Variants in MAP3K1 observed in about 807,000 individuals in gnomAD.
MAP3K1 encodes mitogen-activated protein kinase kinase kinase 1.
Under a neutral mutation model 144.2 loss-of-function variants are expected in MAP3K1, and 36 were observed. The ratio of observed to expected loss-of-function variants is 0.25; its 90% CI spans 0.19 to 0.33. MAP3K1 has a LOEUF of 0.33. MAP3K1 is among the 10% of genes least tolerant of loss of function. The pLI is 1.00. For synonymous variants in MAP3K1, 718 were observed against 688.7 expected, an observed-to-expected ratio of 1.04 and a Z score of -0.67; for missense variants, 1,650 against 1,881.9, an observed-to-expected ratio of 0.88 and a Z score of 2.28.
At chr5:56,874,951 T>A in intron 9 of MAP3K1, 81 bp from the exon 10 acceptor site, 1 of 1,431,262 alleles carries the variant, frequency 7.0e-7, no homozygotes, top group Non-Finnish European at 9.9e-7. Context: ...TACGTAGTAA[T>A]CAAAAATGAT....
intron 1 of MAP3K1, among the ~76,000 whole-genome samples, chr5:56,845,206 A>G (rs115208775): frequency 0.025 from 3,742 of 152,354 alleles, 72 homozygotes; most frequent in Non-Finnish European, 0.036. Context: ...CATAACCTAC[A>G]TATACTAACA....
intron 1 of MAP3K1, among the ~76,000 whole-genome samples, chr5:56,838,996 G>A (rs2111807707): frequency 6.6e-6 from 1 of 152,282 alleles, no homozygotes; most frequent in Admixed American, 6.5e-5. Context: ...GACATTGGTC[G>A]AGATCTTCTG....
chr5:56,841,251 T>C (rs916510581), intron 1 of MAP3K1, among the ~76,000 whole-genome samples: 2 of 152,184 alleles, frequency 1.3e-5, no homozygotes, highest in African/African-American at 4.8e-5. Context: ...TAAAACGATC[T>C]TAAAATCTTT....
intron 1 of MAP3K1, among the ~76,000 whole-genome samples, chr5:56,838,509 TA>T (rs1464914827): frequency 6.6e-6 from 1 of 152,252 alleles, no homozygotes; most frequent in Non-Finnish European, 1.5e-5. Context: ...AGGAAGACAG[TA>T]ATGATTCAGA....
rs1349902141 is a variant in MAP3K1, at chr5:56,881,690, A to G, written c.2490A>G (p.Val830=). ...YLSSARMVTT[V]PHVFSKLLEM... is the part of the protein sequence containing the mutation. ...GTTCTGCAAGAATGGTTACTACAGT[A>G]CCCCATGTGTTTTCAAAACTGTTAG... The change falls in exon 14 of 20, where the codon GTA becomes GTG. Residue 830 remains valine, a synonymous_variant. Coordinates refer to ENST00000399503, the MANE Select transcript of MAP3K1 (RefSeq NM_005921.2). 1 of 1,614,096 alleles carries G rather than the reference A, an allele frequency of 6.2e-7. No homozygotes were observed. Among genetic ancestry groups the G allele is most frequent in the Middle Eastern group, 1.6e-4 (1 of 6,062 alleles).
At position 56,847,023 on chromosome 5, in the gene MAP3K1, A is replaced by G. The variant is rs149050172; in HGVS notation, c.483-9577A>G. Among the ~76,000 whole-genome samples the G allele has an allele frequency of 1.0e-3, 153 of 152,344 alleles. 2 individuals are homozygous for G. The highest frequency in any genetic ancestry group is 1.5e-3 in the Non-Finnish European group (99 of 68,018). On this transcript the variant is annotated intron_variant, in intron 1 of 19. Transcript: ENST00000399503. The stretch of plus-strand genomic sequence containing the variant: ...TTTCTGAGAGACATGAGTGTGCCAA[A>G]GAAACACCATAACCAAGCTTTTACA...
At chr5:56,884,570 G>A in intron 15 of MAP3K1, 94 bp from the exon 16 acceptor site, 1 of 1,172,348 alleles carries the variant, frequency 8.5e-7, no homozygotes, top group Admixed American at 1.9e-5. Flanking sequence ...AATGCCATCT[G>A]TTGCTAATAA....
At chr5:56,865,304 T>C in intron 4 of MAP3K1, 36 bp from the exon 5 acceptor site, 1 of 1,148,456 alleles carries the variant, frequency 8.7e-7, no homozygotes, top group Non-Finnish European at 1.3e-6. Flanking sequence ...GAACCACAGA[T>C]GTATTAACCT....
At chr5:56,871,156 A>G (rs1341818136) in intron 6 of MAP3K1, among the ~76,000 whole-genome samples, 2 of 152,162 alleles carry the variant, frequency 1.3e-5, no homozygotes, top group African/African-American at 4.8e-5. Context: ...TTTGCCATAA[A>G]TGGAATCATC....
rs111392467 is a variant in MAP3K1 at position 56,877,933 on chromosome 5, C to G, written c.1966-1047C>G. On this transcript the variant is annotated intron_variant, in intron 10 of 19. Transcript: ENST00000399503. ...GCCAGTTATTTTGTAGAATATCCCT[C>G]AATTTGGGTTTATCTGATGTTTTCT... 1.5e-3 allele frequency among the ~76,000 whole-genome samples: 233 copies of G among 152,288 alleles called. 1 individual carries two copies. The highest frequency in any genetic ancestry group is 2.5e-3 in the Admixed American group (38 of 15,294).
In MAP3K1 at chr5:56,825,967, C is replaced by CT. The variant is rs200937350; in HGVS notation, c.482+9924dup. ...TTTAGTCCCTCAACTGACCGTTCTT[C>CT]TTTTTTTTTTTTAAAGAAAACAATT... is the stretch of plus-strand genomic sequence containing the variant. On this transcript the variant is annotated intron_variant, in intron 1 of 19. Transcript: ENST00000399503. Among the ~76,000 whole-genome samples, 219 of 146,270 alleles carry CT rather than the reference C, an allele frequency of 1.5e-3. 1 individual carries two copies. The East Asian group carries it at 0.016, about 11-fold the overall frequency.
chr5:56,869,572 A>C (rs747857719), intron 6 of MAP3K1, among the ~76,000 whole-genome samples: 3 of 152,240 alleles, frequency 2.0e-5, no homozygotes, highest in Non-Finnish European at 4.4e-5. Context: ...ATATATATAC[A>C]TAAATGATCT....
At chr5:56,826,823 C>T (rs1746329499) in intron 1 of MAP3K1, among the ~76,000 whole-genome samples, 1 of 152,208 alleles carries the variant, frequency 6.6e-6, no homozygotes, top group Non-Finnish European at 1.5e-5. Context: ...AGGAGATGTC[C>T]ATGCCTTCAA....
intron 6 of MAP3K1, among the ~76,000 whole-genome samples, chr5:56,869,845 T>C (rs1022603353): frequency 4.6e-5 from 7 of 152,228 alleles, no homozygotes; most frequent in African/African-American, 1.7e-4. Flanking sequence ...GTTAATTCTT[T>C]GTTACTAATG....
At chr5:56,854,304 A>G (rs937369025) in intron 1 of MAP3K1, among the ~76,000 whole-genome samples, 3 of 151,876 alleles carry the variant, frequency 2.0e-5, no homozygotes, top group South Asian at 2.1e-4. Context: ...GTGGTGGCAC[A>G]TGCCTGTAAT....
chr5:56,860,818 A>G (rs958073554), intron 3 of MAP3K1, among the ~76,000 whole-genome samples: 3 of 151,856 alleles, frequency 2.0e-5, no homozygotes, highest in African/African-American at 7.3e-5. Flanking sequence ...ACACCATTGC[A>G]CTCCAGCCTG....
intron 6 of MAP3K1, among the ~76,000 whole-genome samples, chr5:56,870,038 G>C (rs1419618784): frequency 6.6e-6 from 1 of 152,078 alleles, no homozygotes; most frequent in Non-Finnish European, 1.5e-5. Context: ...TGGGGAACTG[G>C]TTATTTTGCT....
intron 1 of MAP3K1, among the ~76,000 whole-genome samples, chr5:56,851,472 C>T (rs1015936157): frequency 2.0e-5 from 3 of 152,132 alleles, no homozygotes; most frequent in African/African-American, 7.2e-5. Context: ...AAGTGGCTGT[C>T]ATCATCTAAC....
intron 6 of MAP3K1, among the ~76,000 whole-genome samples, chr5:56,867,582 T>A (rs1033420469): frequency 3.9e-5 from 6 of 152,278 alleles, no homozygotes; most frequent in East Asian, 1.9e-4. Context: ...GTTCATTTTT[T>A]AAAAAAAGAT....
Sources: allele counts gnomAD v4.1 joint callset (sites outside exome capture counted in the v4.1 genomes callset), GRCh38; gene constraint gnomAD v4.1.1; transcripts MANE v1.5; gene names NCBI Gene and HGNC (gene_info 2026-07-23, HGNC 2026-07-21).